Variants in JCAD observed in about 807,000 individuals in gnomAD.
JCAD encodes the protein junctional cadherin 5-associated protein.
JCAD carries 40 observed loss-of-function variants against 98.0 expected under a neutral mutation model. The observed-to-expected ratio is 0.41, with a 90% CI of 0.32 to 0.53. The LOEUF (loss-of-function observed/expected upper bound fraction) is 0.53. Ranked by LOEUF, JCAD falls within the 20% of genes least tolerant of loss-of-function variation. The pLI, the probability that JCAD is intolerant of heterozygous loss-of-function variation, is 0.31. For missense variants in JCAD, 1,705 were observed against 1,738.1 expected (o/e 0.98, Z 0.34); for synonymous variants, 691 against 682.3 (o/e 1.01, Z -0.20).
At chr10:30,054,038 A>C (rs952598262) in intron 1 of JCAD, among the ~76,000 whole-genome samples, 1 of 152,190 alleles carries the variant, frequency 6.6e-6, no homozygotes. Flanking sequence ...CCTCACCCTG[A>C]GCGACAATGA....
At position 30,029,080 on chromosome 10, in the gene JCAD, G is replaced by C; in HGVS notation, c.1068C>G (p.Pro356=). The part of the protein sequence containing the change: ...YRSPPQNIPN[P]YLEDTVPINV... ...TTATGGGCACCGTGTCTTCCAAGTA[G>C]GGGTTTGGGATGTTCTGCGGGGGCG... The change falls in exon 3 of 4, where the codon CCC becomes CCG. Residue 356 remains proline (P), a synonymous_variant. Transcript: ENST00000375377. 6.2e-7 allele frequency: 1 copy of C among 1,614,172 alleles called. No homozygotes were observed. The highest frequency in any genetic ancestry group is 1.1e-5 in the South Asian group (1 of 91,074).
chr10:30,021,882 C>T (rs763227340), intron 3 of JCAD, among the ~76,000 whole-genome samples: 1 of 152,192 alleles, frequency 6.6e-6, no homozygotes, highest in Non-Finnish European at 1.5e-5. Flanking sequence ...CACACATTAA[C>T]GCCCTCAGAG....
At chr10:30,060,103 A>G (rs983194935), upstream of JCAD, among the ~76,000 whole-genome samples, 1 of 145,684 alleles carries the variant, frequency 6.9e-6, no homozygotes, top group African/African-American at 2.5e-5. Context: ...GGAACACAGT[A>G]TGGCTATACA....
Position 30,047,715 on chromosome 10 carries a change from G to A in JCAD, c.98C>T (p.Ala33Val), listed in dbSNP as rs530709153. 23 of 1,614,234 alleles carry A rather than the reference G, an allele frequency of 1.4e-5. No homozygotes were observed. The African/African-American group carries it at 1.7e-4, about 12-fold the overall frequency. ...REDNPKGRQA[A>V]RTGTRAGQGL... is the part of the protein sequence containing the mutation. ...CTGGCCTGCTCGTGTCCCAGTCCTC[G>A]CTGCCTGGCGCCCCTTGGGGTTATC... Residue 33 changes from alanine (A) to valine (V), a missense_variant, in exon 2 of 4, where the codon GCG becomes GTG. Physicochemically the swap from Ala to Val is moderately conservative, Grantham distance 64. This residue lies in a region of JCAD where 152 missense variants were observed against 148.0 expected (regional missense o/e 1.03). Coordinates refer to ENST00000375377, the MANE Select transcript of JCAD (RefSeq NM_020848.4).
upstream of JCAD, among the ~76,000 whole-genome samples, chr10:30,063,812 T>A (rs1329478534): frequency 6.6e-6 from 1 of 150,988 alleles, no homozygotes; most frequent in Non-Finnish European, 1.5e-5. Context: ...AGAGATGGGA[T>A]CTTTTTTTTT....
chr10:30,045,150 C>T (rs1837310034), intron 2 of JCAD, among the ~76,000 whole-genome samples: 1 of 152,158 alleles, frequency 6.6e-6, no homozygotes, highest in Non-Finnish European at 1.5e-5. Context: ...CCTCAGGAAC[C>T]TGTTACCACA....
At position 30,029,510 on chromosome 10, in the gene JCAD, G is replaced by A; in HGVS notation, c.638C>T (p.Pro213Leu). 1 of 1,614,200 alleles carries A rather than the reference G, an allele frequency of 6.2e-7. No homozygotes were observed. Among genetic ancestry groups the A allele is most frequent in the Non-Finnish European group, 8.5e-7 (1 of 1,180,038 alleles). Reference sequence around the variant, plus strand: ...CAACACATGTTCTCCTTGAATGAATGGGTACAGGTCTTGAAACAGTCTCTC... The same window carrying A: ...CAACACATGTTCTCCTTGAATGAATAGGTACAGGTCTTGAAACAGTCTCTC... Reference protein sequence around the residue: ...DGERLFQDLYPFIQGEHVLNS... With the variant: ...DGERLFQDLYLFIQGEHVLNS... Residue 213 changes from proline (P) to leucine (L), a missense_variant, in exon 3 of 4, where the codon CCA becomes CTA. Pro to Leu is a moderately conservative substitution (Grantham distance 98). Transcript: ENST00000375377.
chr10:30,097,264 C>T (rs1838384825), intron 1 of JCAD, among the ~76,000 whole-genome samples: 1 of 151,900 alleles, frequency 6.6e-6, no homozygotes, highest in African/African-American at 2.4e-5. Context: ...TAGTGGCCAC[C>T]GTATTGAGCA....
intron 1 of JCAD, among the ~76,000 whole-genome samples, chr10:30,108,376 T>C (rs1182802549): frequency 6.6e-6 from 1 of 151,756 alleles, no homozygotes; most frequent in Non-Finnish European, 1.5e-5. Context: ...GAAAGTGAAC[T>C]TGGCTCTCCA....
chr10:30,039,688 G>A (rs1481276665), intron 2 of JCAD, among the ~76,000 whole-genome samples: 8 of 152,194 alleles, frequency 5.3e-5, no homozygotes, highest in Admixed American at 5.2e-4. Flanking sequence ...ACGTGCAGAG[G>A]GGTGGTTTCT....
At chr10:30,079,744 A>AT (rs1838048537) in intron 1 of JCAD, among the ~76,000 whole-genome samples, 1 of 152,224 alleles carries the variant, frequency 6.6e-6, no homozygotes, top group South Asian at 2.1e-4. Flanking sequence ...ACTATAATTC[A>AT]TGGGTCTGAT....
At position 30,028,676 on chromosome 10, in the gene JCAD, A is replaced by G; in HGVS notation, c.1472T>C (p.Val491Ala). The G allele has an allele frequency of 1.9e-6, 3 of 1,607,344 alleles. No individual in the cohort carries two copies. The South Asian group carries it at 3.3e-5, about 18-fold the overall frequency. The part of the protein sequence containing the change: ...IPPSGDERGL[V>A]LADSSPRWLW... The stretch of plus-strand genomic sequence containing the variant: ...CCACCGGGGGCTGGAATCGGCCAAG[A>G]CCAGGCCTCTCTCATCCCCCGACGG... The change falls in exon 3 of 4, where the codon GTC (valine) becomes GCC (alanine). Residue 491 changes from valine (V) to alanine (A), a missense_variant. Val to Ala is a moderately conservative substitution (Grantham distance 64). Coordinates refer to ENST00000375377, the MANE Select transcript of JCAD (RefSeq NM_020848.4).
At chr10:30,021,019 T>C (rs1452681626) in intron 3 of JCAD, among the ~76,000 whole-genome samples, 1 of 152,218 alleles carries the variant, frequency 6.6e-6, no homozygotes, top group Non-Finnish European at 1.5e-5. Context: ...TGTGCTGTGT[T>C]GTACCTACCA....
intron 1 of JCAD, among the ~76,000 whole-genome samples, chr10:30,089,378 G>A (rs1278381000): frequency 1.3e-5 from 2 of 152,132 alleles, no homozygotes; most frequent in Admixed American, 1.3e-4. Flanking sequence ...TCCAGCAATT[G>A]AATAACACCT....
intron 1 of JCAD, among the ~76,000 whole-genome samples, chr10:30,109,702 C>G (rs1030190484): frequency 6.6e-6 from 1 of 152,176 alleles, no homozygotes; most frequent in South Asian, 2.1e-4. Context: ...GCCATGGCAG[C>G]ATCGGCGGGA....
chr10:30,064,625 C>T (rs963722386), intron 2 of JCAD, among the ~76,000 whole-genome samples: 1 of 151,938 alleles, frequency 6.6e-6, no homozygotes, highest in Non-Finnish European at 1.5e-5. Context: ...CTTATTCCTC[C>T]TAAATGAAAC....
At chr10:30,111,199 C>T (rs1263973754) in intron 1 of JCAD, among the ~76,000 whole-genome samples, 1 of 152,240 alleles carries the variant, frequency 6.6e-6, no homozygotes, top group Non-Finnish European at 1.5e-5. Context: ...CCCTGTTCCT[C>T]ACCTGTACAC....
intron 3 of JCAD, among the ~76,000 whole-genome samples, chr10:30,019,484 T>C (rs940161310): frequency 6.6e-6 from 1 of 150,784 alleles, no homozygotes; most frequent in African/African-American, 2.4e-5. Flanking sequence ...CAGGACATTA[T>C]GGTAGTCAAA....
intron 1 of JCAD, among the ~76,000 whole-genome samples, chr10:30,100,646 AG>A (rs1269945019): frequency 6.6e-6 from 1 of 152,306 alleles, no homozygotes; most frequent in African/African-American, 2.4e-5. Context: ...GGCCTCCCAA[AG>A]TGCTGGGATT....
Sources: allele counts gnomAD v4.1 joint callset (sites outside exome capture counted in the v4.1 genomes callset), GRCh38; gene constraint gnomAD v4.1.1; regional missense constraint gnomAD v4.1.1; transcripts MANE v1.5; gene names NCBI Gene and HGNC (gene_info 2026-07-23, HGNC 2026-07-21).